ICAM1: variants seen among roughly 807,000 people sequenced by gnomAD.
ICAM1 encodes the protein ICAM-1.
Under a neutral mutation model 42.3 loss-of-function variants are expected in ICAM1, and 28 were observed. That is an observed-to-expected ratio of 0.66 (90% confidence interval 0.49 to 0.91). The LOEUF (loss-of-function observed/expected upper bound fraction) is 0.91, where lower values mean the gene tolerates loss of function less well. ICAM1 is among the 40% of genes least tolerant of loss of function. The pLI is 0.00. For missense variants in ICAM1, 637 were observed against 688.6 expected (o/e 0.93, Z 0.84); for synonymous variants, 304 against 305.9 (o/e 0.99, Z 0.07).
In ICAM1 at chr19:10,284,572, C is replaced by T. The variant is rs13306429; in HGVS notation, c.1095C>T (p.Asn365=). 4.1e-3 allele frequency: 6,576 copies of T among 1,614,138 alleles called. 126 individuals are homozygous for T. The East Asian group carries it at 0.062, about 15-fold the overall frequency. Residue 365 remains asparagine, a synonymous_variant, in exon 5 of 7, where the codon AAC becomes AAT. Transcript: ENST00000264832. The surrounding 1 kb of genome is among the most constrained non-coding windows in gnomAD (Gnocchi z 5.4). Reference sequence around the variant, plus strand: ...TGCTGAAGGCCACCCCAGAGGACAACGGGCGCAGCTTCTCCTGCTCTGCAA... The same window carrying T: ...TGCTGAAGGCCACCCCAGAGGACAATGGGCGCAGCTTCTCCTGCTCTGCAA... ...QLLLKATPED[N]GRSFSCSATL...
chr19:10,281,504 C>A (rs536099681), intron 2 of ICAM1, among the ~76,000 whole-genome samples: 1 of 152,096 alleles, frequency 6.6e-6, no homozygotes, highest in East Asian at 1.9e-4. Context: ...GTACAAACAA[C>A]CATGACTACA....
At position 10,286,406 on chromosome 19, in the gene ICAM1, G is replaced by T. The variant is rs2040106928; in HGVS notation, c.*1119G>T. 6.6e-6 allele frequency: 1 copy of T among 152,564 alleles called. No homozygotes were observed. The highest frequency in any genetic ancestry group is 1.5e-5 in the Non-Finnish European group (1 of 68,326). 9.5% of individuals were successfully genotyped at this position (152,564 alleles called of 1,614,324 possible). A position where few individuals can be genotyped will look rare whatever the true frequency, so the allele number is the denominator to read the frequency against. On this transcript the variant is annotated 3_prime_UTR_variant, in exon 7 of 7. Coordinates refer to ENST00000264832, the MANE Select transcript of ICAM1 (RefSeq NM_000201.3). ...GACAAGCTCTCGCTCTGTCACCCAG[G>T]CTGGAGTGCAGTGGTGCAATCATGG... is the stretch of plus-strand genomic sequence containing the variant.
chr19:10,274,742 G>C (rs770491921), intron 1 of ICAM1, 23 bp from the exon 2 acceptor site: 1 of 1,605,924 alleles, frequency 6.2e-7, no homozygotes, highest in Non-Finnish European at 8.5e-7. Flanking sequence ...AATGCCTGTC[G>C]CCTCTTCCCT....
chr19:10,274,744 C>T, intron 1 of ICAM1, 21 bp from the exon 2 acceptor site: 2 of 1,607,204 alleles, frequency 1.2e-6, no homozygotes. Flanking sequence ...TGCCTGTCGC[C>T]TCTTCCCTCG....
At chr19:10,276,991 A>G (rs1244064524) in intron 2 of ICAM1, among the ~76,000 whole-genome samples, 2 of 151,130 alleles carry the variant, frequency 1.3e-5, no homozygotes, top group Non-Finnish European at 2.9e-5. Flanking sequence ...AAAAAAAAAA[A>G]GAAATAAAAG....
chr19:10,275,450 C>T (rs1436650073), intron 2 of ICAM1, among the ~76,000 whole-genome samples: 2 of 152,000 alleles, frequency 1.3e-5, no homozygotes, highest in East Asian at 1.9e-4. Flanking sequence ...GAGCCGCGAT[C>T]GTGCCAGTGC....
rs563367779 is a variant in ICAM1, at chr19:10,271,942, T to C, written c.67+716T>C. ...AGGGTCTTTCATGGTGGTGTAAGTT[T>C]GGGGAACCAGGAGGGTGGGAGATTG... is the stretch of plus-strand genomic sequence containing the variant. On this transcript the variant is annotated intron_variant, in intron 1 of 6. Coordinates refer to ENST00000264832, the MANE Select transcript of ICAM1 (RefSeq NM_000201.3). 4.6e-5 allele frequency among the ~76,000 whole-genome samples: 7 copies of C among 152,146 alleles called. No homozygotes were observed. In the South Asian group the frequency reaches 1.5e-3, roughly 32 times the overall value.
In ICAM1 at chr19:10,285,117, C is replaced by T. The variant is rs369459423; in HGVS notation, c.1429C>T (p.Pro477Ser). 61 of 1,614,022 alleles carry T rather than the reference C, an allele frequency of 3.8e-5. No individual in the cohort carries two copies. Among genetic ancestry groups the T allele is most frequent in the Non-Finnish European group, 4.9e-5 (58 of 1,180,034 alleles). The stretch of plus-strand genomic sequence containing the variant: ...CGCCTGTTGTATCCTCCCCACAGCC[C>T]CCCGGTATGAGATTGTCATCATCAC... The part of the protein sequence containing the change: ...TRKVTVNVLS[P>S]RYEIVIITVV... Residue 477 changes from proline (P) to serine (S), a missense_variant and splice_region_variant, in exon 7 of 7, where the codon CCC (proline) becomes TCC (serine). Transcript: ENST00000264832.
At chr19:10,272,565 T>TTC (rs1314080278) in intron 1 of ICAM1, among the ~76,000 whole-genome samples, 2 of 113,286 alleles carry the variant, frequency 1.8e-5, no homozygotes, top group African/African-American at 6.7e-5. Context: ...CTTTTCTTTT[T>TTC]TTTTTTTTTT....
chr19:10,280,758 A>G (rs1735135263), intron 2 of ICAM1, among the ~76,000 whole-genome samples: 1 of 151,776 alleles, frequency 6.6e-6, no homozygotes. Context: ...TAGTAAAGAC[A>G]GGGTTTCTCC....
chr19:10,283,342 A>C, intron 2 of ICAM1, 139 bp from the exon 3 acceptor site: 1 of 763,696 alleles, frequency 1.3e-6, no homozygotes, highest in Non-Finnish European at 2.1e-6. Flanking sequence ...GAAGATCTTG[A>C]CATTCCTATC....
chr19:10,283,180 A>C, intron 2 of ICAM1: 1 of 279,386 alleles, frequency 3.6e-6, no homozygotes, highest in Non-Finnish European at 6.7e-6. Flanking sequence ...TGCCCAGTCT[A>C]GTGCACTGGG....
intron 2 of ICAM1, among the ~76,000 whole-genome samples, chr19:10,276,193 AAAAAG>A (rs2040015494): frequency 1.3e-5 from 2 of 151,972 alleles, no homozygotes; most frequent in Non-Finnish European, 1.5e-5. Context: ...AAAAAAAAAA[AAAAAG>A]ATATGAGTTA....
chr19:10,281,632 G>A (rs535034678), intron 2 of ICAM1, among the ~76,000 whole-genome samples: 2 of 151,682 alleles, frequency 1.3e-5, no homozygotes, highest in South Asian at 4.2e-4. Context: ...TTACAGTTCA[G>A]GAAACTGAGG....
In ICAM1 at chr19:10,284,357, G is replaced by A; in HGVS notation, c.925+37G>A. On this transcript the variant is annotated intron_variant, in intron 4 of 6. Coordinates refer to ENST00000264832, the MANE Select transcript of ICAM1 (RefSeq NM_000201.3). This position sits in a 1 kb window ranked among gnomAD's most constrained non-coding sequence, Gnocchi z 5.4. ...CAGGGGCGGAGTGGGGCTTCTTGGG[G>A]GTGTGACCTGAACCCGGGGCGGGGC... 6.2e-7 allele frequency: 1 copy of A among 1,611,836 alleles called. No individual in the cohort carries two copies. The highest frequency in any genetic ancestry group is 8.5e-7 in the Non-Finnish European group (1 of 1,179,518).
chr19:10,281,094 T>C (rs7258215), intron 2 of ICAM1, among the ~76,000 whole-genome samples: 51,619 of 150,578 alleles, frequency 0.34, 10,183 homozygotes, highest in Admixed American at 0.47. Context: ...AGGATGGTCT[T>C]GATCTCCTGA....
At chr19:10,274,086 T>A (rs961071631) in intron 1 of ICAM1, among the ~76,000 whole-genome samples, 1 of 151,410 alleles carries the variant, frequency 6.6e-6, no homozygotes, top group African/African-American at 2.4e-5. Context: ...TGAATTAATC[T>A]CCCCCTCTTC....
Position 10,274,753 on chromosome 19 carries a change from C to A in ICAM1, c.68-12C>A. 6.2e-7 allele frequency: 1 copy of A among 1,608,508 alleles called. No individual in the cohort carries two copies. The highest frequency in any genetic ancestry group is 8.5e-7 in the Non-Finnish European group (1 of 1,175,874). ...TTGTAATGCCTGTCGCCTCTTCCCT[C>A]GTTTCTTCTAGGACCTGGCAATGCC... On this transcript the variant is annotated splice_polypyrimidine_tract_variant and intron_variant, in intron 1 of 6. Transcript: ENST00000264832.
intron 2 of ICAM1, among the ~76,000 whole-genome samples, chr19:10,281,333 C>T (rs1431150177): frequency 3.3e-5 from 5 of 150,642 alleles, no homozygotes; most frequent in African/African-American, 4.9e-5. Context: ...CAATGTTGCC[C>T]AAGCTAGCCT....
Sources: allele counts gnomAD v4.1 joint callset (sites outside exome capture counted in the v4.1 genomes callset), GRCh38; gene constraint gnomAD v4.1.1; non-coding constraint Gnocchi (gnomAD v3.1); transcripts MANE v1.5; gene names NCBI Gene and HGNC (gene_info 2026-07-23, HGNC 2026-07-21).